ENTHD1: variants seen among roughly 807,000 people sequenced by gnomAD.
ENTHD1 encodes ENTH domain-containing protein 1.
A neutral mutation model predicts 39.1 loss-of-function variants in ENTHD1; 23 were observed. That is an observed-to-expected ratio of 0.59 (90% CI 0.42 to 0.83). The LOEUF is 0.83. ENTHD1 is among the 40% of genes least tolerant of loss of function. ENTHD1 has a pLI of 0.00. For synonymous variants in ENTHD1, 230 were observed against 258.2 expected (o/e 0.89, Z 1.05); for missense variants, 624 against 705.4 (o/e 0.88, Z 1.31).
chr22:39,783,029 C>A (rs895335305), intron 5 of ENTHD1, among the ~76,000 whole-genome samples: 1 of 152,096 alleles, frequency 6.6e-6, no homozygotes, highest in South Asian at 2.1e-4. Context: ...CTTAGAAAAA[C>A]CCAAATATTC....
chr22:39,828,089 A>T (rs2065839950), intron 4 of ENTHD1, among the ~76,000 whole-genome samples: 1 of 152,250 alleles, frequency 6.6e-6, no homozygotes, highest in African/African-American at 2.4e-5. Flanking sequence ...TATATTGTTC[A>T]GTTCAAAGTG....
chr22:39,764,521 T>TTA (rs1253085825), intron 6 of ENTHD1, among the ~76,000 whole-genome samples: 3 of 152,102 alleles, frequency 2.0e-5, no homozygotes, highest in African/African-American at 7.2e-5. Context: ...GTTAGCACTA[T>TTA]TATATGTAAG....
At chr22:39,843,174 G>A (rs999611205) in intron 3 of ENTHD1, among the ~76,000 whole-genome samples, 10 of 152,164 alleles carry the variant, frequency 6.6e-5, no homozygotes, top group Admixed American at 2.6e-4. Context: ...TGTTTACTGC[G>A]GCACTATTCA....
intron 2 of ENTHD1, among the ~76,000 whole-genome samples, chr22:39,877,248 G>A (rs188344618): frequency 1.3e-5 from 2 of 152,258 alleles, no homozygotes; most frequent in African/African-American, 2.4e-5. Context: ...AAAGCCTCAA[G>A]AGCCACAATA....
At chr22:39,747,875 C>T (rs993389852) in intron 6 of ENTHD1, among the ~76,000 whole-genome samples, 1 of 152,098 alleles carries the variant, frequency 6.6e-6, no homozygotes, top group Non-Finnish European at 1.5e-5. Context: ...AGCTCATGCA[C>T]AGCCTGAATA....
intron 5 of ENTHD1, among the ~76,000 whole-genome samples, chr22:39,794,128 A>C (rs2065527534): frequency 6.6e-6 from 1 of 152,148 alleles, no homozygotes; most frequent in African/African-American, 2.4e-5. Context: ...GTCCTCTTCA[A>C]CTTCTTTCAT....
chr22:39,861,768 T>G lies in ENTHD1; in HGVS notation c.589A>C (p.Lys197Gln), dbSNP rs766476782. 1.3e-6 allele frequency: 2 copies of G among 1,533,058 alleles called. No homozygotes were observed. Among genetic ancestry groups the G allele is most frequent in the Non-Finnish European group, 1.8e-6 (2 of 1,131,488 alleles). The allele number at this position is 1,533,058 out of a possible 1,614,324, so 95.0% of individuals were successfully genotyped here. The change falls in exon 3 of 7, where the codon AAA becomes CAA. Residue 197 changes from lysine (K) to glutamine (Q), a missense_variant. Lys to Gln is a moderately conservative substitution (Grantham distance 53). Transcript: ENST00000325157. Reference sequence around the variant, plus strand: ...GGCCAATGTTCATTATACGTACTTTTATTATGTAACCTTCCAAACTTAGGA... The same window carrying G: ...GGCCAATGTTCATTATACGTACTTTGATTATGTAACCTTCCAAACTTAGGA... Reference protein sequence around the residue: ...KLPKFGRLHNKRNVCKAGLKQ... With the variant: ...KLPKFGRLHNQRNVCKAGLKQ...
Position 39,842,197 on chromosome 22 carries a change from A to T in ENTHD1, c.593-6239T>A, listed in dbSNP as rs550333671. 1.9e-3 allele frequency among the ~76,000 whole-genome samples: 292 copies of T among 151,156 alleles called. 2 individuals are homozygous for T. The highest frequency in any genetic ancestry group is 0.01 in the Middle Eastern group (3 of 292). ...TTTTCCTTCATTTCAACTTTGGTGA[A>T]TCTGACAATTATGTGTCTTGGAGTT... On this transcript the variant is annotated intron_variant, in intron 3 of 6. Coordinates refer to ENST00000325157, the MANE Select transcript of ENTHD1 (RefSeq NM_152512.4).
At chr22:39,854,347 ATG>A (rs1311044200) in intron 3 of ENTHD1, among the ~76,000 whole-genome samples, 1 of 152,224 alleles carries the variant, frequency 6.6e-6, no homozygotes, top group Non-Finnish European at 1.5e-5. Flanking sequence ...ATGATATGGA[ATG>A]CTATTACATT....
chr22:39,835,797 TG>T (rs2065903805), intron 4 of ENTHD1, 42 bp downstream of exon 4: 7 of 1,408,120 alleles, frequency 5.0e-6, no homozygotes, highest in Non-Finnish European at 6.9e-6. Flanking sequence ...GCACAAAACT[TG>T]CAGTGATTTA....
At chr22:39,812,127 C>A (rs2065692947) in intron 5 of ENTHD1, among the ~76,000 whole-genome samples, 1 of 151,512 alleles carries the variant, frequency 6.6e-6, no homozygotes, top group African/African-American at 2.4e-5. Flanking sequence ...TCTTCCTCAA[C>A]CTACACCTAG....
Position 39,780,569 on chromosome 22 carries a change from GTTATAC to G in ENTHD1, c.833-14966_833-14961del, listed in dbSNP as rs370375208. ...TGGAAACCAAAAAAGAGTGGGAGTA[GTTATAC>G]TTATATCAGATAAAACAGACTACAA... On this transcript the variant is annotated intron_variant, in intron 5 of 6. Coordinates refer to ENST00000325157, the MANE Select transcript of ENTHD1 (RefSeq NM_152512.4). Among the ~76,000 whole-genome samples the G allele has an allele frequency of 7.1e-3, 1,085 of 152,228 alleles. 7 individuals are homozygous for G. The highest frequency in any genetic ancestry group is 0.025 in the African/African-American group (1,025 of 41,536).
At position 39,804,159 on chromosome 22, in the gene ENTHD1, G is replaced by A. The variant is rs185365612; in HGVS notation, c.832+16834C>T. 1.7e-3 allele frequency among the ~76,000 whole-genome samples: 264 copies of A among 151,446 alleles called. 2 individuals carry two copies. The highest frequency in any genetic ancestry group is 6.8e-3 in the Middle Eastern group (2 of 292). On this transcript the variant is annotated intron_variant, in intron 5 of 6. Transcript: ENST00000325157. Reference sequence around the variant, plus strand: ...AGCCTGAGTGACAAAGCAAAACTCTGTCTCAAAAAAAAGAAAAGAAAAAGA... The same window carrying A: ...AGCCTGAGTGACAAAGCAAAACTCTATCTCAAAAAAAAGAAAAGAAAAAGA...
chr22:39,851,267 C>A (rs751332742), intron 3 of ENTHD1, among the ~76,000 whole-genome samples: 1 of 152,120 alleles, frequency 6.6e-6, no homozygotes, highest in Non-Finnish European at 1.5e-5. Context: ...TTCATATTTT[C>A]CATTTTCTTT....
At chr22:39,869,637 TAA>T (rs75175740) in intron 2 of ENTHD1, among the ~76,000 whole-genome samples, 5 of 119,518 alleles carry the variant, frequency 4.2e-5, no homozygotes, top group Admixed American at 8.4e-5. Context: ...GTTAAAATTG[TAA>T]AAAAAAAAAA....
intron 6 of ENTHD1, among the ~76,000 whole-genome samples, chr22:39,756,297 C>G (rs2065184183): frequency 6.8e-6 from 1 of 148,036 alleles, no homozygotes; most frequent in Non-Finnish European, 1.5e-5. Flanking sequence ...GTCTCTCTCT[C>G]TCTCTCTCTC....
chr22:39,785,048 A>C (rs2065443657), intron 5 of ENTHD1, among the ~76,000 whole-genome samples: 1 of 152,182 alleles, frequency 6.6e-6, no homozygotes, highest in Non-Finnish European at 1.5e-5. Flanking sequence ...GAAACTGTGT[A>C]TATTTATTAT....
intron 4 of ENTHD1, among the ~76,000 whole-genome samples, chr22:39,823,924 G>A (rs1295467948): frequency 2.6e-5 from 4 of 152,024 alleles, no homozygotes; most frequent in Non-Finnish European, 5.9e-5. Flanking sequence ...CTTTTCGTGC[G>A]CTTACTTACC....
intron 6 of ENTHD1, among the ~76,000 whole-genome samples, chr22:39,747,441 T>G (rs1467456423): frequency 6.6e-6 from 1 of 152,198 alleles, no homozygotes; most frequent in Non-Finnish European, 1.5e-5. Flanking sequence ...CAAATTCAAG[T>G]TTCTCTGATG....
Sources: gnomAD v4.1 joint callset for allele counts (sites outside exome capture counted in the v4.1 genomes callset) on GRCh38, gnomAD v4.1.1 for gene constraint, MANE v1.5 for transcripts, NCBI Gene and HGNC (gene_info 2026-07-23, HGNC 2026-07-21) for gene names.